Variants in ARHGEF33 observed in about 807,000 individuals in gnomAD.
The protein encoded by ARHGEF33 is DH and coiled-coil domain-containing protein ENSP00000381780.
Under a neutral mutation model 101.9 loss-of-function variants are expected in ARHGEF33, and 72 were observed. The observed-to-expected ratio is 0.71, with a 90% CI of 0.58 to 0.86. The LOEUF (loss-of-function observed/expected upper bound fraction) is 0.86. Among genes scored for constraint, ARHGEF33 ranks in the 40% least tolerant of loss-of-function variants. ARHGEF33 has a pLI of 0.00. For synonymous variants in ARHGEF33, 499 were observed against 442.5 expected (o/e 1.13, Z -1.60); for missense variants, 1,169 against 1,111.3 (o/e 1.05, Z -0.74).
intron 16 of ARHGEF33, among the ~76,000 whole-genome samples, chr2:38,963,472 T>C (rs929784706): frequency 2.6e-5 from 4 of 152,208 alleles, no homozygotes; most frequent in African/African-American, 9.6e-5. Context: ...TGTGTGCTTT[T>C]GGACAAGTCA....
chr2:38,892,031 G>A (rs1666016379), intron 1 of ARHGEF33, among the ~76,000 whole-genome samples: 1 of 152,172 alleles, frequency 6.6e-6, no homozygotes. Context: ...AGACAGGGTA[G>A]TAAGTATTAA....
intron 17 of ARHGEF33, among the ~76,000 whole-genome samples, chr2:38,966,678 A>G (rs935483652): frequency 6.6e-6 from 1 of 152,184 alleles, no homozygotes; most frequent in African/African-American, 2.4e-5. Context: ...AATCACTTTA[A>G]TGGAGTTTCT....
chr2:38,932,153 C>T (rs1400626009), intron 7 of ARHGEF33, among the ~76,000 whole-genome samples: 4 of 151,992 alleles, frequency 2.6e-5, no homozygotes, highest in African/African-American at 7.2e-5. Flanking sequence ...GACAGAGTCT[C>T]GCTCTGTCAC....
intron 4 of ARHGEF33, among the ~76,000 whole-genome samples, chr2:38,923,618 C>T (rs957844540): frequency 3.3e-5 from 5 of 152,046 alleles, no homozygotes; most frequent in Non-Finnish European, 7.4e-5. Flanking sequence ...CAATGCCTGG[C>T]ATATAATACA....
Position 38,937,405 on chromosome 2 carries a change from G to C in ARHGEF33, c.636G>C (p.Lys212Asn). ...KSCLSADIQSKGHLPSGMWRQ... is the reference protein window; with the variant it reads ...KSCLSADIQSNGHLPSGMWRQ... ...GCCTCTCGGCTGATATCCAGTCCAA[G>C]GGCCATCTCCCATCTGGCATGTGGA... The change falls in exon 9 of 18, where the codon AAG (lysine) becomes AAC (asparagine). Residue 212 changes from lysine to asparagine, a missense_variant. Lys to Asn is a moderately conservative substitution (Grantham distance 94). Transcript: ENST00000409978. 6.5e-7 allele frequency: 1 copy of C among 1,540,372 alleles called. No individual in the cohort carries two copies. Among genetic ancestry groups the C allele is most frequent in the Non-Finnish European group, 8.7e-7 (1 of 1,145,216 alleles).
At chr2:38,959,725 G>C (rs1180752728) in intron 15 of ARHGEF33, 116 bp from the exon 16 acceptor site, 6 of 1,162,172 alleles carry the variant, frequency 5.2e-6, no homozygotes, top group Non-Finnish European at 4.7e-6. Context: ...TGTGGAGCTC[G>C]GGAGGTGGCA....
intron 2 of ARHGEF33, among the ~76,000 whole-genome samples, chr2:38,913,395 T>C (rs1666558670): frequency 6.6e-6 from 1 of 152,232 alleles, no homozygotes; most frequent in Admixed American, 6.5e-5. Flanking sequence ...TTGAAGTTTT[T>C]ATAGGTTATA....
rs1190806454 is a variant in ARHGEF33, at chr2:38,960,277, C to A, written c.1972C>A (p.Arg658=). The part of the protein sequence containing the change: ...SESSLDICFL[R]PVSFAMEAER... ...GTCCAGCCTGGACATCTGCTTCCTGCGGCCCGTCAGCTTCGCCATGGAGGC... is the reference window on the plus strand; with the variant it reads ...GTCCAGCCTGGACATCTGCTTCCTGAGGCCCGTCAGCTTCGCCATGGAGGC... The change falls in exon 16 of 18, where the codon CGG becomes AGG. Residue 658 remains arginine, a synonymous_variant. Coordinates refer to ENST00000409978, the MANE Select transcript of ARHGEF33 (RefSeq NM_001145451.5). 2 of 1,547,354 alleles carry A rather than the reference C, an allele frequency of 1.3e-6. No individual in the cohort carries two copies.
chr2:38,904,432 G>A (rs1004900074), intron 2 of ARHGEF33, among the ~76,000 whole-genome samples: 13 of 152,104 alleles, frequency 8.5e-5, no homozygotes, highest in Admixed American at 5.9e-4. Context: ...CAGGCCGGGT[G>A]CAGTGGCTCA....
chr2:38,955,741 A>T (rs1667724898), intron 13 of ARHGEF33, among the ~76,000 whole-genome samples: 1 of 151,780 alleles, frequency 6.6e-6, no homozygotes, highest in Non-Finnish European at 1.5e-5. Context: ...CAGTGGCATG[A>T]TCTCAGCTCA....
At chr2:38,950,331 A>G (rs1267179120) in intron 10 of ARHGEF33, among the ~76,000 whole-genome samples, 1 of 152,258 alleles carries the variant, frequency 6.6e-6, no homozygotes, top group African/African-American at 2.4e-5. Flanking sequence ...TATTTTGCAC[A>G]TCAAATAGGA....
chr2:38,913,706 G>T (rs1430157962), intron 2 of ARHGEF33, among the ~76,000 whole-genome samples: 1 of 151,848 alleles, frequency 6.6e-6, no homozygotes, highest in African/African-American at 2.4e-5. Context: ...AACCCAGGAG[G>T]TGGAGGTTGC....
chr2:38,968,594 A>C (rs1193979476), intron 17 of ARHGEF33, among the ~76,000 whole-genome samples: 1 of 152,160 alleles, frequency 6.6e-6, no homozygotes, highest in African/African-American at 2.4e-5. Flanking sequence ...GCTGTTCGGG[A>C]TTCTCCTTAG....
chr2:38,928,791 G>A, intron 4 of ARHGEF33, 116 bp from the exon 5 acceptor site: 1 of 922,352 alleles, frequency 1.1e-6, no homozygotes, highest in Non-Finnish European at 1.6e-6. Flanking sequence ...ACTAGTAAAT[G>A]AGGTCTGTAG....
Position 38,929,750 on chromosome 2 carries a change from T to C in ARHGEF33, c.282T>C (p.Thr94=), listed in dbSNP as rs376713547. The C allele has an allele frequency of 5.8e-5, 90 of 1,551,926 alleles. No homozygotes were observed. The highest frequency in any genetic ancestry group is 7.6e-5 in the Non-Finnish European group (87 of 1,146,976). Residue 94 remains threonine, a synonymous_variant, in exon 6 of 18, where the codon ACT becomes ACC. Transcript: ENST00000409978. ...SNAMSMIQAI[T]SKQEEMQQKI... ...CCATGTCGATGATCCAAGCCATCAC[T>C]TCCAAACAAGAAGAAATGCAACAGA... is the stretch of plus-strand genomic sequence containing the variant.
intron 4 of ARHGEF33, among the ~76,000 whole-genome samples, chr2:38,922,510 A>G (rs553169238): frequency 3.6e-4 from 55 of 152,334 alleles, no homozygotes; most frequent in African/African-American, 1.2e-3. Context: ...TCAACACAGG[A>G]TTACGAAAAC....
At chr2:38,937,668 G>T in intron 9 of ARHGEF33, 109 bp downstream of exon 9, 1 of 680,460 alleles carries the variant, frequency 1.5e-6, no homozygotes, top group Non-Finnish European at 2.5e-6. Flanking sequence ...GACACATGAG[G>T]CCACCTAGTT....
In ARHGEF33 at chr2:38,959,733, G is replaced by A. The variant is rs554378817; in HGVS notation, c.1536-108G>A. On this transcript the variant is annotated intron_variant, in intron 15 of 17. Transcript: ENST00000409978. ...GGAAGTTTGTGGAGCTCGGGAGGTG[G>A]CATGCACAGGCGCCTCGGAGCGCGG... 1.3e-4 allele frequency: 156 copies of A among 1,221,888 alleles called. No homozygotes were observed. The African/African-American group carries it at 2.1e-3, about 16-fold the overall frequency. The allele number at this position is 1,221,888 out of a possible 1,614,324, so 75.7% of individuals were successfully genotyped here. A position where few individuals can be genotyped will look rare whatever the true frequency, so the allele number is the denominator to read the frequency against.
Position 38,959,947 on chromosome 2 carries a change from C to T in ARHGEF33, c.1642C>T (p.Arg548Trp), listed in dbSNP as rs1345779945. The change falls in exon 16 of 18, where the codon CGG (arginine) becomes TGG (tryptophan). Residue 548 changes from arginine (R) to tryptophan (W), a missense_variant. By Grantham distance (101) the Arg-to-Trp change is moderately radical. Coordinates refer to ENST00000409978, the MANE Select transcript of ARHGEF33 (RefSeq NM_001145451.5). ...GGAGCTGGAGGGCAGGAAGCACGAGCGGCCCGAGAGCCTTCTGGCACCGAC... is the reference window on the plus strand; with the variant it reads ...GGAGCTGGAGGGCAGGAAGCACGAGTGGCCCGAGAGCCTTCTGGCACCGAC... ...DWELEGRKHERPESLLAPTQF... is the reference protein window; with the variant it reads ...DWELEGRKHEWPESLLAPTQF... The T allele has an allele frequency of 1.9e-6, 3 of 1,551,544 alleles. No homozygotes were observed. The highest frequency in any genetic ancestry group is 3.9e-5 in the Admixed American group (2 of 51,012).
Sources: allele counts gnomAD v4.1 joint callset (sites outside exome capture counted in the v4.1 genomes callset), GRCh38; gene constraint gnomAD v4.1.1; transcripts MANE v1.5; gene names NCBI Gene and HGNC (gene_info 2026-07-23, HGNC 2026-07-21).